Variants in LRRK1 observed in about 807,000 individuals in gnomAD.
LRRK1 encodes the protein leucine rich repeat kinase 1.
LRRK1 carries 113 observed loss-of-function variants against 209.1 expected under a neutral mutation model. The observed-to-expected ratio is 0.54, with a 90% CI of 0.46 to 0.63. LRRK1 has a LOEUF of 0.63. Among genes scored for constraint, LRRK1 ranks in the 30% least tolerant of loss-of-function variants. The pLI, the probability that LRRK1 is intolerant of heterozygous loss-of-function variation, is 0.00. For synonymous variants in LRRK1, 1,144 were observed against 1,099.7 expected (o/e 1.04, Z -0.80); for missense variants, 2,284 against 2,632.2 (o/e 0.87, Z 2.89).
intron 2 of LRRK1, among the ~76,000 whole-genome samples, chr15:100,956,455 C>CTTTTTCTTTTTTTTTTTTT: frequency 3.3e-5 from 2 of 60,534 alleles, no homozygotes; most frequent in African/African-American, 8.5e-5. Context: ...TTTTTTTTTT[C>CTTTTTCTTTTTTTTTTTTT]TTTTTTTTTT....
intron 20 of LRRK1, among the ~76,000 whole-genome samples, chr15:101,031,409 G>A (rs2034277803): frequency 6.6e-6 from 1 of 152,208 alleles, no homozygotes; most frequent in Admixed American, 6.5e-5. Context: ...ATGCCTTTGA[G>A]ATCCATCCAT....
rs1454162257 is a variant in LRRK1, at chr15:101,070,861, A to G, written c.*2013A>G. The G allele has an allele frequency of 2.0e-5, 3 of 152,158 alleles. No individual in the cohort carries two copies. The highest frequency in any genetic ancestry group is 7.2e-5 in the African/African-American group (3 of 41,424). 9.4% of individuals were successfully genotyped at this position (152,158 alleles called of 1,614,324 possible). On this transcript the variant is annotated 3_prime_UTR_variant, in exon 34 of 34. Transcript: ENST00000388948. Reference sequence around the variant, plus strand: ...CATGAAATTGAAACTTACGTGGAAAATTAGTCCAAAGCCTAAAAGACTAGC... The same window carrying G: ...CATGAAATTGAAACTTACGTGGAAAGTTAGTCCAAAGCCTAAAAGACTAGC...
In LRRK1 at chr15:101,027,391, T is replaced by C; in HGVS notation, c.2526+10T>C. The C allele has an allele frequency of 6.2e-7, 1 of 1,612,304 alleles. No homozygotes were observed. Among genetic ancestry groups the C allele is most frequent in the Non-Finnish European group, 8.5e-7 (1 of 1,179,698 alleles). On this transcript the variant is annotated intron_variant, in intron 18 of 33. Coordinates refer to ENST00000388948, the MANE Select transcript of LRRK1 (RefSeq NM_024652.6). The surrounding 1 kb of genome is among the most constrained non-coding windows in gnomAD (Gnocchi z 5.1). ...ACTGGCAGGGCGGCTGGTGGGTACC[T>C]TGCTGGTCCAGTTTAAACCAGTCTG...
At chr15:100,988,434 TA>T (rs1490056112) in intron 4 of LRRK1, 199 bp from the exon 5 acceptor site, 1 of 621,390 alleles carries the variant, frequency 1.6e-6, no homozygotes, top group Admixed American at 2.8e-5. Flanking sequence ...TCACTTAGGA[TA>T]ATGACCTCCA....
In LRRK1 at chr15:101,065,978, C is replaced by G. The variant is rs202046983; in HGVS notation, c.5541C>G (p.Ser1847=). 6.2e-7 allele frequency: 1 copy of G among 1,614,116 alleles called. No homozygotes were observed. The highest frequency in any genetic ancestry group is 1.7e-5 in the Admixed American group (1 of 60,024). The part of the protein sequence containing the change: ...DYCSMSSYSS[S]PPRQAARSPS... ...GCTCCATGTCCTCCTACTCCTCATC[C>G]CCACCCCGCCAGGCTGCCAGGTCCC... Residue 1847 remains serine, a synonymous_variant, in exon 32 of 34, where the codon TCC becomes TCG. Transcript: ENST00000388948.
Position 101,065,988 on chromosome 15 carries a change from CAGGCT to C in LRRK1, c.5552_5556del (p.Gln1851ArgfsTer40). 1.2e-6 allele frequency: 2 copies of C among 1,614,132 alleles called. No homozygotes were observed. The highest frequency in any genetic ancestry group is 1.7e-6 in the Non-Finnish European group (2 of 1,180,022). The stretch of plus-strand genomic sequence containing the variant: ...CTCCTACTCCTCATCCCCACCCCGC[CAGGCT>C]GCCAGGTCCCCCTCAAGCCTCCCCA... On this transcript the variant is annotated frameshift_variant, in exon 32 of 34. Coordinates refer to ENST00000388948, the MANE Select transcript of LRRK1 (RefSeq NM_024652.6). LOFTEE classifies it high-confidence loss of function.
intron 21 of LRRK1, among the ~76,000 whole-genome samples, chr15:101,047,277 C>T (rs779203418): frequency 2.0e-5 from 3 of 152,238 alleles, no homozygotes; most frequent in Non-Finnish European, 4.4e-5. Flanking sequence ...TAAAGTCCAT[C>T]GTGACAGTAG....
At chr15:100,972,917 T>TACAC (rs10629976) in intron 2 of LRRK1, among the ~76,000 whole-genome samples, 140 of 123,930 alleles carry the variant, frequency 1.1e-3, no homozygotes, top group Admixed American at 3.0e-3. Context: ...CGAAAAACTG[T>TACAC]ACACACACAC....
chr15:100,978,564 A>C (rs1363341994), intron 3 of LRRK1, among the ~76,000 whole-genome samples: 1 of 152,222 alleles, frequency 6.6e-6, no homozygotes, highest in East Asian at 1.9e-4. Flanking sequence ...CAGAAGGGAA[A>C]CACAGAACAT....
chr15:100,947,794 C>T (rs1249841711), intron 2 of LRRK1, among the ~76,000 whole-genome samples: 1 of 151,950 alleles, frequency 6.6e-6, no homozygotes, highest in African/African-American at 2.4e-5. Flanking sequence ...TGCAGAAGAA[C>T]TTTCAAGCAG....
intron 30 of LRRK1, chr15:101,062,351 A>G (rs1596350888): frequency 2.1e-6 from 1 of 466,876 alleles, no homozygotes; most frequent in Non-Finnish European, 3.8e-6. Flanking sequence ...TGGGGAATAG[A>G]TGACGGGCTA....
Position 100,987,631 on chromosome 15 carries a change from C to A in LRRK1, c.434-1003C>A, listed in dbSNP as rs560119265. 2.3e-4 allele frequency among the ~76,000 whole-genome samples: 35 copies of A among 152,168 alleles called. No individual in the cohort carries two copies. In the South Asian group the frequency reaches 7.3e-3, roughly 32 times the overall value. ...GGAAAGTGTCAGTACTTTAATAATA[C>A]AATGACACAACATCATGAGTTAGGG... On this transcript the variant is annotated intron_variant, in intron 4 of 33. Coordinates refer to ENST00000388948, the MANE Select transcript of LRRK1 (RefSeq NM_024652.6).
chr15:100,939,249 A>C (rs1287502455), intron 2 of LRRK1, among the ~76,000 whole-genome samples: 1 of 152,062 alleles, frequency 6.6e-6, no homozygotes, highest in African/African-American at 2.4e-5. Flanking sequence ...AAGTCTCTTA[A>C]TTTCTATCTT....
intron 19 of LRRK1, among the ~76,000 whole-genome samples, chr15:101,028,087 A>G (rs2034122418): frequency 6.7e-6 from 1 of 149,498 alleles, no homozygotes; most frequent in Admixed American, 6.7e-5. Context: ...ACAGAGGTCA[A>G]ACAGTTACAA....
At chr15:100,925,354 AT>A (rs2042091445) in intron 2 of LRRK1, among the ~76,000 whole-genome samples, 1 of 152,316 alleles carries the variant, frequency 6.6e-6, no homozygotes, top group East Asian at 1.9e-4. Flanking sequence ...TCAAAAAATG[AT>A]TCATAAATTG....
At chr15:101,067,272 G>T (rs2141166538) in intron 33 of LRRK1, 1 of 456,256 alleles carries the variant, frequency 2.2e-6, no homozygotes, top group Non-Finnish European at 4.4e-6. Context: ...AAGGTATGCT[G>T]GGCAGGGTGG....
intron 4 of LRRK1, 135 bp downstream of exon 4, chr15:100,983,834 A>G: frequency 1.1e-6 from 1 of 926,476 alleles, no homozygotes; most frequent in Non-Finnish European, 1.8e-6. Context: ...TGACACCCAA[A>G]CAAAGTGAAG....
At chr15:101,032,766 C>G (rs910709532) in intron 20 of LRRK1, among the ~76,000 whole-genome samples, 2 of 152,128 alleles carry the variant, frequency 1.3e-5, no homozygotes, top group African/African-American at 4.8e-5. Context: ...ACTTTCCTTT[C>G]CCCATGGAAT....
chr15:100,987,620 C>T (rs934471434), intron 4 of LRRK1, among the ~76,000 whole-genome samples: 1 of 152,062 alleles, frequency 6.6e-6, no homozygotes. Context: ...AGTGTCAGTA[C>T]TTTAATAATA....
Sources: gnomAD v4.1 joint callset for allele counts (sites outside exome capture counted in the v4.1 genomes callset) on GRCh38, gnomAD v4.1.1 for gene constraint, Gnocchi (gnomAD v3.1) non-coding constraint, MANE v1.5 for transcripts, NCBI Gene and HGNC (gene_info 2026-07-23, HGNC 2026-07-21) for gene names.